The following DCC variants were observed in gnomAD, a reference collection of about 807,000 sequenced individuals.
The protein encoded by DCC is DCC netrin 1 receptor.
A neutral mutation model predicts 172.5 loss-of-function variants in DCC; 58 were observed. That is an observed-to-expected ratio of 0.34 (90% CI 0.27 to 0.42). DCC has a LOEUF of 0.42. DCC is among the 10% of genes least tolerant of loss of function. The probability of loss-of-function intolerance (pLI) is 1.00; values close to 1 mark genes in which losing one functional copy is unlikely to be tolerated. For missense variants in DCC, 1,740 were observed against 1,791.0 expected, an observed-to-expected ratio of 0.97 and a Z score of 0.51; for synonymous variants, 709 against 644.5, an observed-to-expected ratio of 1.10 and a Z score of -1.52.
At chr18:52,935,093 A>G (rs546462670) in intron 5 of DCC, among the ~76,000 whole-genome samples, 11 of 152,280 alleles carry the variant, frequency 7.2e-5, no homozygotes, top group African/African-American at 2.2e-4. Context: ...TTTTATCAAA[A>G]GTGAGCAACA....
chr18:53,050,679 G>A (rs192687137), intron 5 of DCC, among the ~76,000 whole-genome samples: 93 of 152,174 alleles, frequency 6.1e-4, no homozygotes, highest in Non-Finnish European at 1.1e-3. Context: ...TTTGGACAGA[G>A]ACGTTGGGGT....
chr18:52,909,144 C>A (rs1598919762), intron 3 of DCC, among the ~76,000 whole-genome samples: 2 of 152,104 alleles, frequency 1.3e-5, no homozygotes, highest in South Asian at 2.1e-4. Context: ...TGCCACTTAG[C>A]GTTCTCTCAT....
chr18:53,314,006 A>G (rs1489026474), intron 13 of DCC, among the ~76,000 whole-genome samples: 3 of 152,246 alleles, frequency 2.0e-5, no homozygotes, highest in Non-Finnish European at 2.9e-5. Context: ...CACTACATCT[A>G]TGAAACGCTT....
intron 12 of DCC, among the ~76,000 whole-genome samples, chr18:53,255,987 G>A (rs1423306485): frequency 6.6e-6 from 1 of 152,102 alleles, no homozygotes; most frequent in Non-Finnish European, 1.5e-5. Flanking sequence ...TTTTTCATGT[G>A]TCTTTTGGCT....
chr18:53,013,541 G>A (rs191985861), intron 5 of DCC, among the ~76,000 whole-genome samples: 5 of 151,940 alleles, frequency 3.3e-5, no homozygotes, highest in Admixed American at 6.6e-5. Flanking sequence ...GGCATTATCG[G>A]GGGGTGGGGA....
At chr18:52,958,535 G>A (rs552036945) in intron 5 of DCC, among the ~76,000 whole-genome samples, 1 of 152,052 alleles carries the variant, frequency 6.6e-6, no homozygotes, top group Non-Finnish European at 1.5e-5. Context: ...GGATACAAGA[G>A]ACAGGAAAAG....
At chr18:53,279,727 A>G (rs957956654) in intron 12 of DCC, among the ~76,000 whole-genome samples, 1 of 152,048 alleles carries the variant, frequency 6.6e-6, no homozygotes, top group African/African-American at 2.4e-5. Context: ...AACATGATAC[A>G]TATACACCAT....
At chr18:52,779,359 G>C (rs117516843) in intron 2 of DCC, among the ~76,000 whole-genome samples, 5,213 of 152,128 alleles carry the variant, frequency 0.034, 129 homozygotes, top group Admixed American at 0.049. Flanking sequence ...CTGTGTCCAT[G>C]TGTACTAATT....
intron 2 of DCC, among the ~76,000 whole-genome samples, chr18:52,825,401 C>T (rs1789703783): frequency 2.0e-5 from 3 of 152,176 alleles, no homozygotes; most frequent in Admixed American, 1.3e-4. Flanking sequence ...TAAGCAACTC[C>T]TATTCCTCTT....
At chr18:53,157,688 A>G (rs1490958138) in intron 8 of DCC, among the ~76,000 whole-genome samples, 176 bp downstream of exon 8, 1 of 152,224 alleles carries the variant, frequency 6.6e-6, no homozygotes, top group Non-Finnish European at 1.5e-5. Flanking sequence ...AGTGTTGTTG[A>G]CACAGTCTAA....
At chr18:52,878,052 G>A (rs1437403971) in intron 2 of DCC, among the ~76,000 whole-genome samples, 1 of 151,818 alleles carries the variant, frequency 6.6e-6, no homozygotes, top group African/African-American at 2.4e-5. Context: ...ATCTTTCACT[G>A]GCTTCCTCCT....
At chr18:52,833,453 C>T (rs1296093534) in intron 2 of DCC, among the ~76,000 whole-genome samples, 1 of 152,094 alleles carries the variant, frequency 6.6e-6, no homozygotes, top group Non-Finnish European at 1.5e-5. Context: ...CAAGCACATC[C>T]CCTGCCCAAT....
intron 7 of DCC, among the ~76,000 whole-genome samples, chr18:53,081,468 T>C (rs1377150420): frequency 2.0e-5 from 3 of 151,742 alleles, no homozygotes; most frequent in African/African-American, 7.3e-5. Flanking sequence ...GGGAAAGCAG[T>C]CTCTATTGGG....
At chr18:52,595,589 T>G (rs1344831982) in intron 1 of DCC, among the ~76,000 whole-genome samples, 1 of 152,214 alleles carries the variant, frequency 6.6e-6, no homozygotes, top group Non-Finnish European at 1.5e-5. Context: ...CTCCACTTAC[T>G]ACCCCTGTGT....
chr18:53,138,338 G>C lies in DCC; in HGVS notation c.1262-19018G>C, dbSNP rs144353640. ...CAAAATGAATCCACATTCTTGAACA[G>C]TGACTGCATTAAAAAACCTGAGTAT... On this transcript the variant is annotated intron_variant, in intron 7 of 28. Transcript: ENST00000442544. 8.5e-5 allele frequency among the ~76,000 whole-genome samples: 13 copies of C among 152,174 alleles called. No homozygotes were observed. In the East Asian group the frequency reaches 2.5e-3, roughly 29 times the overall value.
chr18:53,433,123 C>G (rs1911726867), intron 21 of DCC, among the ~76,000 whole-genome samples: 1 of 151,924 alleles, frequency 6.6e-6, no homozygotes, highest in Non-Finnish European at 1.5e-5. Flanking sequence ...GTAGAATGTC[C>G]AAGCTTTAAG....
At position 52,599,485 on chromosome 18, in the gene DCC, G is replaced by A. The variant is rs532544934; in HGVS notation, c.92-152569G>A. Among the ~76,000 whole-genome samples the A allele has an allele frequency of 2.6e-5, 4 of 152,092 alleles. No individual in the cohort carries two copies. The East Asian group carries it at 5.8e-4, about 22-fold the overall frequency. On this transcript the variant is annotated intron_variant, in intron 1 of 28. Transcript: ENST00000442544. ...TTTAAATTTCACAGATTTTTCACATGTCAAGTAATATTATTCCTCTTTTGA... is the reference window on the plus strand; with the variant it reads ...TTTAAATTTCACAGATTTTTCACATATCAAGTAATATTATTCCTCTTTTGA...
intron 15 of DCC, among the ~76,000 whole-genome samples, chr18:53,380,294 C>T (rs1283186697): frequency 4.6e-5 from 7 of 152,144 alleles, no homozygotes; most frequent in African/African-American, 1.7e-4. Context: ...TTACACCCTT[C>T]TTACATACTG....
intron 5 of DCC, among the ~76,000 whole-genome samples, chr18:53,052,509 T>C (rs1265501368): frequency 6.6e-6 from 1 of 152,088 alleles, no homozygotes; most frequent in African/African-American, 2.4e-5. Flanking sequence ...CCAGACATTC[T>C]ACTTGCTCTA....
Sources: allele counts gnomAD v4.1 joint callset (sites outside exome capture counted in the v4.1 genomes callset), GRCh38; gene constraint gnomAD v4.1.1; transcripts MANE v1.5; gene names NCBI Gene and HGNC (gene_info 2026-07-23, HGNC 2026-07-21).